Variants in SORBS3 observed in about 807,000 individuals in gnomAD.
The protein encoded by SORBS3 is vinexin.
SORBS3 carries 69 observed loss-of-function variants against 98.0 expected under a neutral mutation model. That is an observed-to-expected ratio of 0.70 (90% CI 0.58 to 0.86). The LOEUF is 0.86. Ranked by LOEUF, SORBS3 falls within the 40% of genes least tolerant of loss-of-function variation. SORBS3 has a pLI of 0.00. For synonymous variants in SORBS3, 394 were observed against 355.4 expected, an observed-to-expected ratio of 1.11 and a Z score of -1.22; for missense variants, 954 against 908.5, an observed-to-expected ratio of 1.05 and a Z score of -0.64.
At chr8:22,553,697 G>T (rs560168397) in intron 1 of SORBS3, among the ~76,000 whole-genome samples, 1 of 152,176 alleles carries the variant, frequency 6.6e-6, no homozygotes, top group East Asian at 1.9e-4. Context: ...GCGTGTATGT[G>T]CGTGCACATT....
At position 22,569,244 on chromosome 8, in the gene SORBS3, G is replaced by A. The variant is rs1198395246; in HGVS notation, c.1402G>A (p.Asp468Asn). The change falls in exon 17 of 21, where the codon GAC (aspartate) becomes AAC (asparagine). Residue 468 changes from aspartate to asparagine, a missense_variant. Transcript: ENST00000240123. Reference sequence around the variant, plus strand: ...TGTGGCCCAGTACACCTTCAAGGGGGACCTGGAGGTGGAGCTGTCCTTCCG... The same window carrying A: ...TGTGGCCCAGTACACCTTCAAGGGGAACCTGGAGGTGGAGCTGTCCTTCCG... Reference protein sequence around the residue: ...EAVAQYTFKGDLEVELSFRKG... With the variant: ...EAVAQYTFKGNLEVELSFRKG... 14 of 1,603,528 alleles carry A rather than the reference G, an allele frequency of 8.7e-6. No homozygotes were observed. Among genetic ancestry groups the A allele is most frequent in the Non-Finnish European group, 1.2e-5 (14 of 1,174,898 alleles).
At chr8:22,544,977 T>C (rs935227830), upstream of SORBS3, 8 of 152,220 alleles carry the variant, frequency 5.3e-5, no homozygotes, top group African/African-American at 1.9e-4. Context: ...TACCCAGCTT[T>C]CCTTGCCCAG....
chr8:22,562,666 T>C (rs1840320143), intron 7 of SORBS3, among the ~76,000 whole-genome samples: 1 of 152,222 alleles, frequency 6.6e-6, no homozygotes, highest in African/African-American at 2.4e-5. Context: ...GCACTGCCAC[T>C]AGCCATGTGA....
chr8:22,553,219 C>T (rs1840118436), intron 1 of SORBS3, among the ~76,000 whole-genome samples: 1 of 152,178 alleles, frequency 6.6e-6, no homozygotes, highest in Non-Finnish European at 1.5e-5. Flanking sequence ...CATGTGGTCC[C>T]TCCGGTGGTC....
In SORBS3 at chr8:22,554,542, C is replaced by A; in HGVS notation, c.36C>A (p.Leu12=). Residue 12 remains leucine (L), a synonymous_variant, in exon 2 of 21, where the codon CTC becomes CTA. Transcript: ENST00000240123. This position sits in a 1 kb window ranked among gnomAD's most constrained non-coding sequence, Gnocchi z 6.5. Reference sequence around the variant, plus strand: ...CACCCCGCAGCCTCCGCGCTGGGCTCAGCCTGGACGACTTCATCCCTGGCC... The same window carrying A: ...CACCCCGCAGCCTCCGCGCTGGGCTAAGCCTGGACGACTTCATCCCTGGCC... ...QGPPRSLRAG[L]SLDDFIPGHL... is the part of the protein sequence containing the mutation. The A allele has an allele frequency of 1.9e-6, 3 of 1,612,882 alleles. No homozygotes were observed. In the South Asian group the frequency reaches 3.3e-5, roughly 18 times the overall value.
chr8:22,561,653 G>A (rs954872410), intron 6 of SORBS3: 4 of 615,810 alleles, frequency 6.5e-6, no homozygotes, highest in Non-Finnish European at 5.8e-6. Context: ...TCACCTACTC[G>A]GAGTTGTTTT....
At chr8:22,560,542 G>A (rs1840270982) in intron 5 of SORBS3, among the ~76,000 whole-genome samples, 1 of 152,180 alleles carries the variant, frequency 6.6e-6, no homozygotes, top group African/African-American at 2.4e-5. Context: ...GACCAGTGGT[G>A]ACAAATGCAG....
rs1024718407 is a variant in SORBS3 at position 22,556,754 on chromosome 8, A to G, written c.260A>G (p.Lys87Arg). The G allele has an allele frequency of 3.7e-6, 6 of 1,613,728 alleles. No homozygotes were observed. Among genetic ancestry groups the G allele is most frequent in the Non-Finnish European group, 5.1e-6 (6 of 1,180,046 alleles). Residue 87 changes from lysine (K) to arginine (R), a missense_variant, in exon 4 of 21, where the codon AAG (lysine) becomes AGG (arginine). By Grantham distance (26) the Lys-to-Arg change is conservative. Coordinates refer to ENST00000240123, the MANE Select transcript of SORBS3 (RefSeq NM_005775.5). ...WYQTWPGPGSKPSASTKIPAS... is the reference protein window; with the variant it reads ...WYQTWPGPGSRPSASTKIPAS... ...CAGACCTGGCCAGGCCCTGGGAGCA[A>G]GCCCTCTGCAAGCACAAAGATCCCT...
chr8:22,557,411 T>C (rs1046011609), intron 4 of SORBS3, among the ~76,000 whole-genome samples: 7 of 152,214 alleles, frequency 4.6e-5, no homozygotes, highest in African/African-American at 1.4e-4. Flanking sequence ...TTTTCTCATC[T>C]GGAAATTGGA....
chr8:22,555,366 C>A (rs1356935612), intron 3 of SORBS3, among the ~76,000 whole-genome samples: 6 of 152,260 alleles, frequency 3.9e-5, no homozygotes, highest in African/African-American at 1.4e-4. Context: ...GGCTACCCAG[C>A]AGGAGGTTAG....
At position 22,574,971 on chromosome 8, in the gene SORBS3, C is replaced by T. The variant is rs773920041; in HGVS notation, c.*243C>T. The T allele has an allele frequency of 1.5e-6, 1 of 664,006 alleles. No individual in the cohort carries two copies. The allele number at this position is 664,006 out of a possible 1,614,324, so 41.1% of individuals were successfully genotyped here. On this transcript the variant is annotated 3_prime_UTR_variant, in exon 21 of 21. Transcript: ENST00000240123. ...TCCTCCCCACCCCACTCCCCAAATA[C>T]AGAGGTCTGCTTTGAAGCGGAGACC... is the stretch of plus-strand genomic sequence containing the variant.
At chr8:22,566,976 A>G (rs11779261) in intron 15 of SORBS3, 85 bp from the exon 16 acceptor site, 924,996 of 1,537,286 alleles carry the variant, frequency 0.6, 281,716 homozygotes, top group Admixed American at 0.63. Context: ...GGGGTGAGAG[A>G]ACTGGGGTGT....
Position 22,567,047 on chromosome 8 carries a change from G to C in SORBS3, c.1191-14G>C, listed in dbSNP as rs760928330. ...GGCTTCAGCTTACCCTGCGGTCCTC[G>C]TCCCCACCTGCAGGGAGCTGACTCT... is the stretch of plus-strand genomic sequence containing the variant. On this transcript the variant is annotated splice_polypyrimidine_tract_variant and intron_variant, in intron 15 of 20. Transcript: ENST00000240123. 1.9e-6 allele frequency: 3 copies of C among 1,605,956 alleles called. No individual in the cohort carries two copies. Among genetic ancestry groups the C allele is most frequent in the Non-Finnish European group, 1.7e-6 (2 of 1,173,900 alleles).
In SORBS3 at chr8:22,572,208, G is replaced by A; in HGVS notation, c.1848-132G>A. 4.1e-6 allele frequency: 3 copies of A among 739,068 alleles called. No individual in the cohort carries two copies. In the South Asian group the frequency reaches 4.8e-5, roughly 12 times the overall value. The allele number at this position is 739,068 out of a possible 1,614,324, so 45.8% of individuals were successfully genotyped here. On this transcript the variant is annotated intron_variant, in intron 19 of 20. Coordinates refer to ENST00000240123, the MANE Select transcript of SORBS3 (RefSeq NM_005775.5). ...GGAAAGACTACGGTGAGCACAGGCT[G>A]AGTTGCTCTGAGGAGCTGGATCAGG...
intron 4 of SORBS3, among the ~76,000 whole-genome samples, chr8:22,557,668 C>T (rs937554831): frequency 6.6e-6 from 1 of 151,946 alleles, no homozygotes. Flanking sequence ...ATAAAATTAG[C>T]TAGGCAAGGT....
chr8:22,554,869 G>A lies in SORBS3; in HGVS notation c.109G>A (p.Val37Met), dbSNP rs764973640. Residue 37 changes from valine to methionine, a missense_variant, in exon 3 of 21, where the codon GTG (valine) becomes ATG (methionine). Transcript: ENST00000240123. The surrounding 1 kb of genome is among the most constrained non-coding windows in gnomAD (Gnocchi z 6.5). ...TCCTGGCCCCTCCCCGCAGGTGCCC[G>A]TGATCCGGAATGGTGGCTCCAACAC... ...GSSSRGTRVP[V>M]IRNGGSNTLN... 9 of 1,468,974 alleles carry A rather than the reference G, an allele frequency of 6.1e-6. No homozygotes were observed. The highest frequency in any genetic ancestry group is 1.1e-5 in the South Asian group (1 of 89,064). 91.0% of individuals were successfully genotyped at this position (1,468,974 alleles called of 1,614,324 possible).
chr8:22,561,750 C>G, intron 6 of SORBS3, 115 bp from the exon 7 acceptor site: 1 of 942,522 alleles, frequency 1.1e-6, no homozygotes, highest in South Asian at 1.4e-5. Flanking sequence ...CCACCATCCA[C>G]CCAGGAGCAA....
In SORBS3 at chr8:22,554,950, A is replaced by T. The variant is rs762355339; in HGVS notation, c.190A>T (p.Thr64Ser). ...APRTVCNGGYTPRRDASQHPD... is the reference protein window; with the variant it reads ...APRTVCNGGYSPRRDASQHPD... ...CAGGACTGTGTGCAATGGGGGCTAC[A>T]CACCAAGACGAGATGCTTCCCAGCA... The change falls in exon 3 of 21, where the codon ACA becomes TCA. Residue 64 changes from threonine (T) to serine (S), a missense_variant. Transcript: ENST00000240123. This position sits in a 1 kb window ranked among gnomAD's most constrained non-coding sequence, Gnocchi z 6.5. The T allele has an allele frequency of 1.2e-6, 2 of 1,613,664 alleles. No homozygotes were observed. Among genetic ancestry groups the T allele is most frequent in the South Asian group, 1.1e-5 (1 of 91,084 alleles).
At chr8:22,550,810 G>T (rs903572565), upstream of SORBS3, among the ~76,000 whole-genome samples, 2 of 152,238 alleles carry the variant, frequency 1.3e-5, no homozygotes, top group Non-Finnish European at 2.9e-5. Flanking sequence ...CTCCCAGCTC[G>T]TAGCTAAAGT....
Sources: allele counts gnomAD v4.1 joint callset (sites outside exome capture counted in the v4.1 genomes callset), GRCh38; gene constraint gnomAD v4.1.1; non-coding constraint Gnocchi (gnomAD v3.1); transcripts MANE v1.5; gene names NCBI Gene and HGNC (gene_info 2026-07-23, HGNC 2026-07-21).